Variants in CT83 observed in about 807,000 individuals in gnomAD.
CT83 encodes the protein cancer/testis antigen 83, also known as kita-kyushu lung cancer antigen 1.
In CT83, 3 loss-of-function variants were observed where a neutral mutation model predicts 1.7. That is an observed-to-expected ratio of 1.76 (90% CI 0.80 to 4.55). The LOEUF (loss-of-function observed/expected upper bound fraction) is 4.55, where lower values mean the gene tolerates loss of function less well. Among genes scored for constraint, CT83 ranks in the 30% most tolerant of loss-of-function variants. The pLI is 0.02. For synonymous variants in CT83, 35 were observed against 33.0 expected (o/e 1.06, Z -0.20); for missense variants, 80 against 84.8 (o/e 0.94, Z 0.22).
At chrX:116,462,691 T>C in intron 1 of CT83, 91 bp downstream of exon 1, 1 of 900,409 alleles carries the variant, frequency 1.1e-6, no homozygotes. Flanking sequence ...CCTCTCATTT[T>C]ACTGTATTTT....
rs1928075986 is a variant in CT83 at position 116,462,009 on chromosome X, T to C, written c.76-2A>G. 5.0e-6 allele frequency: 6 copies of C among 1,205,332 alleles called. No individual in the cohort carries two copies. The highest frequency in any genetic ancestry group is 6.7e-6 in the Non-Finnish European group (6 of 890,022). ...TGATGACATTTCGCCAGTGTTTCTC[T>C]GTAAAGAAAGGGAATTATACATACG... On this transcript the variant is annotated splice_acceptor_variant, in intron 1 of 1. Transcript: ENST00000371894. LOFTEE classifies it high-confidence loss of function.
rs373345643 is a variant in CT83 at position 116,462,888 on chromosome X, G to T, written c.-32C>A. ...TCTTCGGCCTCTTCTCCCTTCTCGG[G>T]ACGGACCCCCTCAGCTGGTAGTTGG... On this transcript the variant is annotated 5_prime_UTR_variant, in exon 1 of 2. Coordinates refer to ENST00000371894, the MANE Select transcript of CT83 (RefSeq NM_001017978.4). 1 of 1,190,311 alleles carries T rather than the reference G, an allele frequency of 8.4e-7. No individual in the cohort carries two copies. Among genetic ancestry groups the T allele is most frequent in the Non-Finnish European group, 1.1e-6 (1 of 876,208 alleles).
rs1556695310 is a variant in CT83, at chrX:116,462,905, G to A, written c.-49C>T. The A allele has an allele frequency of 1.7e-6, 2 of 1,159,314 alleles. No individual in the cohort carries two copies. Among genetic ancestry groups the A allele is most frequent in the Non-Finnish European group, 2.4e-6 (2 of 848,722 alleles). On this transcript the variant is annotated 5_prime_UTR_variant, in exon 1 of 2. Transcript: ENST00000371894. ...CTTCTCGGGACGGACCCCCTCAGCTGGTAGTTGGGAAGCAGTGGGCCTCTA... is the reference window on the plus strand; with the variant it reads ...CTTCTCGGGACGGACCCCCTCAGCTAGTAGTTGGGAAGCAGTGGGCCTCTA...
At position 116,462,868 on chromosome X, in the gene CT83, G is replaced by A. The variant is rs1928099056; in HGVS notation, c.-12C>T. 8.3e-7 allele frequency: 1 copy of A among 1,207,414 alleles called. No individual in the cohort carries two copies. The highest frequency in any genetic ancestry group is 1.1e-6 in the Non-Finnish European group (1 of 891,788). Reference sequence around the variant, plus strand: ...AAATAGAAGTTCATGTTTCCTCTTCGGCCTCTTCTCCCTTCTCGGGACGGA... The same window carrying A: ...AAATAGAAGTTCATGTTTCCTCTTCAGCCTCTTCTCCCTTCTCGGGACGGA... On this transcript the variant is annotated 5_prime_UTR_variant, in exon 1 of 2. Transcript: ENST00000371894.
intron 1 of CT83, 108 bp from the exon 2 acceptor site, chrX:116,462,115 C>G: frequency 1.6e-6 from 1 of 611,217 alleles, no homozygotes; most frequent in Non-Finnish European, 2.6e-6. Flanking sequence ...CTGATTTCCC[C>G]TAATATGTCG....
intron 1 of CT83, among the ~76,000 whole-genome samples, chrX:116,462,212 C>T (rs1442537983): frequency 2.7e-5 from 3 of 111,026 alleles, no homozygotes; most frequent in African/African-American, 9.9e-5. Flanking sequence ...TGAAAGTAGC[C>T]GTTAGTGACA....
Position 116,462,915 on chromosome X carries a change from A to C in CT83, c.-59T>G. Reference sequence around the variant, plus strand: ...CGGACCCCCTCAGCTGGTAGTTGGGAAGCAGTGGGCCTCTAGCCGCCTGGA... The same window carrying C: ...CGGACCCCCTCAGCTGGTAGTTGGGCAGCAGTGGGCCTCTAGCCGCCTGGA... On this transcript the variant is annotated 5_prime_UTR_variant, in exon 1 of 2. Coordinates refer to ENST00000371894, the MANE Select transcript of CT83 (RefSeq NM_001017978.4). 1.8e-6 allele frequency: 2 copies of C among 1,103,777 alleles called. No individual in the cohort carries two copies. The highest frequency in any genetic ancestry group is 1.3e-6 in the Non-Finnish European group (1 of 798,496). The allele number at this position is 1,103,777 out of a possible 1,213,427, so 91.0% of individuals were successfully genotyped here.
intron 1 of CT83, among the ~76,000 whole-genome samples, 158 bp downstream of exon 1, chrX:116,462,624 C>A (rs782247604): frequency 9.0e-6 from 1 of 111,011 alleles, no homozygotes; most frequent in South Asian, 3.9e-4. Context: ...CGGGAGTAAG[C>A]GGTAAAAGTC....
In CT83 at chrX:116,462,834, G is replaced by A. The variant is rs1556695299; in HGVS notation, c.23C>T (p.Ala8Val). MNFYLLL[A>V]SSILCALIVF... Reference sequence around the variant, plus strand: ...AATCAAGGCACACAGAATGCTGCTCGCTAGGAGTAAATAGAAGTTCATGTT... The same window carrying A: ...AATCAAGGCACACAGAATGCTGCTCACTAGGAGTAAATAGAAGTTCATGTT... Residue 8 changes from alanine to valine, a missense_variant, in exon 1 of 2, where the codon GCG becomes GTG. Physicochemically the swap from Ala to Val is moderately conservative, Grantham distance 64. Coordinates refer to ENST00000371894, the MANE Select transcript of CT83 (RefSeq NM_001017978.4). The A allele has an allele frequency of 8.3e-7, 1 of 1,211,272 alleles. No homozygotes were observed. The highest frequency in any genetic ancestry group is 1.1e-6 in the Non-Finnish European group (1 of 895,134).
At position 116,461,897 on chromosome X, in the gene CT83, G is replaced by GA; in HGVS notation, c.185dup (p.Ser63LeufsTer7). ...GGAAATTATTTAAAATATCCCGAGA[G>GA]AGGTCGTAGACTGCAAGATTGTTGT... On this transcript the variant is annotated frameshift_variant, in exon 2 of 2. Coordinates refer to ENST00000371894, the MANE Select transcript of CT83 (RefSeq NM_001017978.4). LOFTEE classifies it low-confidence loss of function (END_TRUNC). 1 of 1,211,203 alleles carries GA rather than the reference G, an allele frequency of 8.3e-7. No homozygotes were observed. The highest frequency in any genetic ancestry group is 1.8e-5 in the South Asian group (1 of 56,965).
chrX:116,462,362 T>G (rs2147394555), intron 1 of CT83, among the ~76,000 whole-genome samples: 1 of 111,641 alleles, frequency 9.0e-6, no homozygotes, highest in Non-Finnish European at 1.9e-5. Flanking sequence ...ACACTCGAAT[T>G]ATTTGTGAAT....
chrX:116,462,327 C>T (rs1556695259), intron 1 of CT83, among the ~76,000 whole-genome samples: 3 of 111,684 alleles, frequency 2.7e-5, no homozygotes, highest in Non-Finnish European at 5.6e-5. Context: ...TCACTTGTGA[C>T]TTTAACACCA....
At position 116,461,786 on chromosome X, in the gene CT83, A is replaced by G; in HGVS notation, c.297T>C (p.Leu99=). The change falls in exon 2 of 2, where the codon CTT becomes CTC. Residue 99 remains leucine (L), a synonymous_variant. Coordinates refer to ENST00000371894, the MANE Select transcript of CT83 (RefSeq NM_001017978.4). ...NKLVELEHTL[L]SKGFRGASPH... ...GTGATGCACCTCTGAAACCCTTGCT[A>G]AGTAGAGTATGTTCCAGTTCAACCA... 2 of 1,211,484 alleles carry G rather than the reference A, an allele frequency of 1.7e-6. No individual in the cohort carries two copies. Among genetic ancestry groups the G allele is most frequent in the Non-Finnish European group, 1.1e-6 (1 of 895,293 alleles).
rs1556695232 is a variant in CT83 at position 116,461,966 on chromosome X, T to C, written c.117A>G (p.Ala39=). ...GEMSSNSTAL[A]LVRPSSSGLI... is the part of the protein sequence containing the mutation. The stretch of plus-strand genomic sequence containing the variant: ...ACCCAGAAGAAGAGGGTCTCACTAG[T>C]GCAAGAGCAGTTGAATTTGATGACA... Residue 39 remains alanine, a synonymous_variant, in exon 2 of 2, where the codon GCA becomes GCG. Coordinates refer to ENST00000371894, the MANE Select transcript of CT83 (RefSeq NM_001017978.4). 8.3e-7 allele frequency: 1 copy of C among 1,209,359 alleles called. No individual in the cohort carries two copies. The highest frequency in any genetic ancestry group is 1.1e-6 in the Non-Finnish European group (1 of 893,358).
In CT83 at chrX:116,462,353, C is replaced by T. The variant is rs1199622320; in HGVS notation, c.76-346G>A. ...TTTAACACCAGAAAATCCACATTCACACTCGAATTATTTGTGAATGCCCAG... is the reference window on the plus strand; with the variant it reads ...TTTAACACCAGAAAATCCACATTCATACTCGAATTATTTGTGAATGCCCAG... On this transcript the variant is annotated intron_variant, in intron 1 of 1. Coordinates refer to ENST00000371894, the MANE Select transcript of CT83 (RefSeq NM_001017978.4). 2.3e-4 allele frequency among the ~76,000 whole-genome samples: 26 copies of T among 111,584 alleles called. 1 individual carries two copies.
Position 116,461,869 on chromosome X carries a change from G to A in CT83, c.214C>T (p.His72Tyr), listed in dbSNP as rs782070523. ...ATTCGCTTCTGCCTGGCTATTGAGT[G>A]TGGGAAATTATTTAAAATATCCCGA... Reference protein sequence around the residue: ...LSRDILNNFPHSIARQKRILV... With the variant: ...LSRDILNNFPYSIARQKRILV... The change falls in exon 2 of 2, where the codon CAC (histidine) becomes TAC (tyrosine). Residue 72 changes from histidine (H) to tyrosine (Y), a missense_variant. His to Tyr is a moderately conservative substitution (Grantham distance 83). Transcript: ENST00000371894. 5.0e-6 allele frequency: 6 copies of A among 1,211,187 alleles called. No homozygotes were observed. Among genetic ancestry groups the A allele is most frequent in the South Asian group, 3.5e-5 (2 of 56,961 alleles).
chrX:116,462,268 A>T (rs782401540), intron 1 of CT83, among the ~76,000 whole-genome samples: 1 of 111,749 alleles, frequency 8.9e-6, no homozygotes, highest in East Asian at 2.9e-4. Flanking sequence ...AAAGCAGCCC[A>T]GTAGGTAAAC....
chrX:116,461,718 C>T lies in CT83; in HGVS notation c.*23G>A, dbSNP rs1556695188. On this transcript the variant is annotated 3_prime_UTR_variant, in exon 2 of 2. Coordinates refer to ENST00000371894, the MANE Select transcript of CT83 (RefSeq NM_001017978.4). Reference sequence around the variant, plus strand: ...AAAGTGTCTTTAATGATTTCCACCACTGGCATTACATCCTGTACGCTTTTA... The same window carrying T: ...AAAGTGTCTTTAATGATTTCCACCATTGGCATTACATCCTGTACGCTTTTA... 1 of 1,201,809 alleles carries T rather than the reference C, an allele frequency of 8.3e-7. No homozygotes were observed. Among genetic ancestry groups the T allele is most frequent in the Non-Finnish European group, 1.1e-6 (1 of 888,340 alleles).
intron 1 of CT83, among the ~76,000 whole-genome samples, 178 bp from the exon 2 acceptor site, chrX:116,462,185 CTG>C (rs1478557525): frequency 9.0e-6 from 1 of 111,315 alleles, no homozygotes; most frequent in African/African-American, 3.3e-5. Context: ...CAAAACCAGA[CTG>C]AGAAAAAAAA....
Sources: gnomAD v4.1 joint callset for allele counts (sites outside exome capture counted in the v4.1 genomes callset) on GRCh38, gnomAD v4.1.1 for gene constraint, MANE v1.5 for transcripts, NCBI Gene and HGNC (gene_info 2026-07-23, HGNC 2026-07-21) for gene names.